Variants in TATDN3 observed in about 807,000 individuals in gnomAD.
TATDN3 encodes the protein deoxyribonuclease TATDN3.
In TATDN3, 29 loss-of-function variants were observed where a neutral mutation model predicts 40.1. That is an observed-to-expected ratio of 0.72 (90% confidence interval 0.54 to 0.99). The LOEUF is 0.99. TATDN3 is among the 50% of genes least tolerant of loss of function. The probability of loss-of-function intolerance (pLI) is 0.00; values close to 1 mark genes in which losing one functional copy is unlikely to be tolerated. For missense variants in TATDN3, 309 were observed against 321.9 expected, an observed-to-expected ratio of 0.96 and a Z score of 0.31; for synonymous variants, 105 against 117.0, an observed-to-expected ratio of 0.90 and a Z score of 0.66.
chr1:212,809,187 A>G (rs1453148574), intron 8 of TATDN3, among the ~76,000 whole-genome samples: 1 of 152,182 alleles, frequency 6.6e-6, no homozygotes, highest in Non-Finnish European at 1.5e-5. Flanking sequence ...TAAACACAAT[A>G]TAGATTAGTG....
intron 7 of TATDN3, among the ~76,000 whole-genome samples, chr1:212,806,762 A>ATG (rs1228244878): frequency 1.8e-5 from 2 of 112,132 alleles, no homozygotes; most frequent in Non-Finnish European, 3.7e-5. Context: ...ATATATATAT[A>ATG]TATATATATA....
rs758741462 is a variant in TATDN3 at position 212,815,116 on chromosome 1, T to C, written c.785T>C (p.Leu262Ser). 4 of 1,613,772 alleles carry C rather than the reference T, an allele frequency of 2.5e-6. No individual in the cohort carries two copies. The South Asian group carries it at 4.4e-5, about 18-fold the overall frequency. Residue 262 changes from leucine to serine, a missense_variant, in exon 10 of 10, where the codon TTA becomes TCA. Physicochemically the swap from Leu to Ser is moderately radical, Grantham distance 145 (BLOSUM62 -2). Coordinates refer to ENST00000366974, the MANE Select transcript of TATDN3 (RefSeq NM_001042552.3). ...EVIEVTTQNA[L>S]KLFPKLRHLL... ...ATAGAAGTGACGACACAGAATGCAT[T>C]AAAACTGTTTCCTAAGCTCCGACAC...
rs1661769640 is a variant in TATDN3 at position 212,796,506 on chromosome 1, T to TA, written c.100-11_100-10insA. On this transcript the variant is annotated splice_polypyrimidine_tract_variant and intron_variant, in intron 2 of 9. Coordinates refer to ENST00000366974, the MANE Select transcript of TATDN3 (RefSeq NM_001042552.3). ...TATTGTTTGTAACTTTATTCTTTTT[T>TA]TTTTTTTCAGGCCAATGTTGTGGCC... is the stretch of plus-strand genomic sequence containing the variant. The TA allele has an allele frequency of 6.6e-7, 1 of 1,523,530 alleles. No individual in the cohort carries two copies. 94.4% of individuals were successfully genotyped at this position (1,523,530 alleles called of 1,614,324 possible). A position where few individuals can be genotyped will look rare whatever the true frequency, so the allele number is the denominator to read the frequency against.
At chr1:212,814,114 C>G (rs1394069247) in intron 9 of TATDN3, among the ~76,000 whole-genome samples, 2 of 152,048 alleles carry the variant, frequency 1.3e-5, no homozygotes, top group Admixed American at 1.3e-4. Flanking sequence ...GCCACTGCAC[C>G]TGGCTGAACC....
In TATDN3 at chr1:212,797,173, G is replaced by A. The variant is rs866101588; in HGVS notation, c.235G>A (p.Asp79Asn). The part of the protein sequence containing the change: ...VHPVQGLPPE[D>N]QRSVTLKDLD... ...TCCAGTTCAAGGACTTCCACCAGAAGACCAAAGAAGTGTCACACTAAAGGT... is the reference window on the plus strand; with the variant it reads ...TCCAGTTCAAGGACTTCCACCAGAAAACCAAAGAAGTGTCACACTAAAGGT... The change falls in exon 4 of 10, where the codon GAC (aspartate) becomes AAC (asparagine). Residue 79 changes from aspartate (D) to asparagine (N), a missense_variant. Physicochemically the swap from Asp to Asn is conservative, Grantham distance 23 (BLOSUM62 1). Coordinates refer to ENST00000366974, the MANE Select transcript of TATDN3 (RefSeq NM_001042552.3). 6.2e-7 allele frequency: 1 copy of A among 1,614,004 alleles called. No individual in the cohort carries two copies. Among genetic ancestry groups the A allele is most frequent in the Middle Eastern group, 1.6e-4 (1 of 6,062 alleles).
Position 212,807,747 on chromosome 1 carries a change from G to T in TATDN3, c.499G>T (p.Val167Leu). Residue 167 changes from valine to leucine, a missense_variant, in exon 8 of 10, where the codon GTA (valine) becomes TTA (leucine). Physicochemically the swap from Val to Leu is conservative, Grantham distance 32 (BLOSUM62 1). Coordinates refer to ENST00000366974, the MANE Select transcript of TATDN3 (RefSeq NM_001042552.3). ...TTCATTTTTGAAAGGTGCTGAGAAG[G>T]TACTGCTGCATGCATTTGATGGTCG... ...NLLQEQGAEK[V>L]LLHAFDGRPS... 1 of 1,612,386 alleles carries T rather than the reference G, an allele frequency of 6.2e-7. No individual in the cohort carries two copies. The highest frequency in any genetic ancestry group is 8.5e-7 in the Non-Finnish European group (1 of 1,179,482).
At chr1:212,806,953 AT>A in intron 7 of TATDN3, among the ~76,000 whole-genome samples, 2 of 139,292 alleles carry the variant, frequency 1.4e-5, no homozygotes, top group East Asian at 4.1e-4. Context: ...TTATTTATTT[AT>A]TTTTTTTGAG....
At chr1:212,792,759 C>T (rs1391550623) in intron 1 of TATDN3, among the ~76,000 whole-genome samples, 1 of 151,862 alleles carries the variant, frequency 6.6e-6, no homozygotes, top group African/African-American at 2.4e-5. Flanking sequence ...GTGGGTGGAT[C>T]GCTTGAGCCC....
chr1:212,815,304 T>C lies in TATDN3; in HGVS notation c.*148T>C. 2 of 976,330 alleles carry C rather than the reference T, an allele frequency of 2.0e-6. No homozygotes were observed. Among genetic ancestry groups the C allele is most frequent in the Non-Finnish European group, 2.8e-6 (2 of 717,902 alleles). 60.5% of individuals were successfully genotyped at this position (976,330 alleles called of 1,614,324 possible). On this transcript the variant is annotated 3_prime_UTR_variant, in exon 10 of 10. Transcript: ENST00000366974. ...TGTAGAGAAATATTTCTCTTAGAAA[T>C]AAAACTGGGCTTGGATCCTGAAACC...
intron 1 of TATDN3, among the ~76,000 whole-genome samples, chr1:212,792,563 A>G (rs1661404034): frequency 7.2e-6 from 1 of 139,466 alleles, no homozygotes; most frequent in African/African-American, 2.7e-5. Flanking sequence ...GGAGCCCAGG[A>G]GGTGGAGGTT....
intron 4 of TATDN3, among the ~76,000 whole-genome samples, chr1:212,801,674 T>C (rs1662189192): frequency 6.6e-6 from 1 of 152,204 alleles, no homozygotes. Flanking sequence ...ATGTGTGATA[T>C]GGAAAAAGCT....
chr1:212,792,632 C>CAAAAA lies in TATDN3; in HGVS notation c.66+662_66+666dup, dbSNP rs752952752. 3.4e-3 allele frequency among the ~76,000 whole-genome samples: 258 copies of CAAAAA among 75,082 alleles called. 5 individuals carry two copies. The highest frequency in any genetic ancestry group is 0.016 in the African/African-American group (243 of 14,964). The allele number at this position is 75,082 out of a possible 152,430, so 49.3% of individuals were successfully genotyped here. The stretch of plus-strand genomic sequence containing the variant: ...CCTGGGTAACAGTGAGACCCTGTCT[C>CAAAAA]AAAAAAAAAAAAAAAAAAAAATTCA... On this transcript the variant is annotated intron_variant, in intron 1 of 9. Coordinates refer to ENST00000366974, the MANE Select transcript of TATDN3 (RefSeq NM_001042552.3).
At chr1:212,804,694 G>C (rs1481187798) in intron 7 of TATDN3, 43 bp downstream of exon 7, 3 of 1,539,328 alleles carry the variant, frequency 1.9e-6, no homozygotes, top group Non-Finnish European at 2.7e-6. Context: ...GTTCAAGTTT[G>C]ACAATTCCAG....
chr1:212,809,335 T>C (rs1192993645), intron 8 of TATDN3, among the ~76,000 whole-genome samples: 1 of 152,180 alleles, frequency 6.6e-6, no homozygotes, highest in Non-Finnish European at 1.5e-5. Flanking sequence ...CAAAAAACAC[T>C]GGATTGTGTA....
intron 1 of TATDN3, among the ~76,000 whole-genome samples, chr1:212,792,632 C>CAAAAAAAAAAAAAAAAAA (rs752952752): frequency 1.2e-4 from 9 of 75,098 alleles, no homozygotes; most frequent in African/African-American, 2.7e-4. Context: ...GACCCTGTCT[C>CAAAAAAAAAAAAAAAAAA]AAAAAAAAAA....
intron 1 of TATDN3, chr1:212,794,620 CATA>C (rs1312059922): frequency 5.4e-6 from 2 of 370,748 alleles, no homozygotes; most frequent in East Asian, 7.2e-5. Context: ...GGGGCCTCAG[CATA>C]ATGATGATAA....
At chr1:212,801,072 C>G (rs1662145663) in intron 4 of TATDN3, among the ~76,000 whole-genome samples, 1 of 151,694 alleles carries the variant, frequency 6.6e-6, no homozygotes, top group African/African-American at 2.4e-5. Context: ...TGCCTATAGT[C>G]CCAGCTACTC....
At chr1:212,798,784 G>C (rs1661986384) in intron 4 of TATDN3, among the ~76,000 whole-genome samples, 2 of 152,172 alleles carry the variant, frequency 1.3e-5, no homozygotes, top group Admixed American at 1.3e-4. Context: ...AGGCACTGCT[G>C]TCAGCACTGC....
At chr1:212,797,051 G>A in intron 3 of TATDN3, 61 bp from the exon 4 acceptor site, 3 of 1,306,910 alleles carry the variant, frequency 2.3e-6, no homozygotes, top group Non-Finnish European at 3.3e-6. Flanking sequence ...TTATTCTTTA[G>A]AATACGTTGT....
Sources: allele counts gnomAD v4.1 joint callset (sites outside exome capture counted in the v4.1 genomes callset), GRCh38; gene constraint gnomAD v4.1.1; transcripts MANE v1.5; gene names NCBI Gene and HGNC (gene_info 2026-07-23, HGNC 2026-07-21).